PRICKLE2: variants seen among roughly 807,000 people sequenced by gnomAD.
The protein encoded by PRICKLE2 is prickle planar cell polarity protein 2, also known as prickle-like protein 2.
PRICKLE2 carries 21 observed loss-of-function variants against 81.4 expected under a neutral mutation model. That is an observed-to-expected ratio of 0.26 (90% CI 0.18 to 0.37). The LOEUF (loss-of-function observed/expected upper bound fraction) is 0.37, where lower values mean the gene tolerates loss of function less well. Among genes scored for constraint, PRICKLE2 ranks in the 10% least tolerant of loss-of-function variants. The pLI is 1.00. For missense variants in PRICKLE2, 940 were observed against 1,109.0 expected (o/e 0.85, Z 2.16); for synonymous variants, 456 against 421.5 (o/e 1.08, Z -1.00).
intron 4 of PRICKLE2, 131 bp from the exon 5 acceptor site, chr3:64,157,496 GC>G: frequency 5.4e-6 from 5 of 921,016 alleles, no homozygotes; most frequent in Non-Finnish European, 6.9e-6. Context: ...TATGCTTCCT[GC>G]TTTACACAGG....
intron 7 of PRICKLE2, among the ~76,000 whole-genome samples, chr3:64,136,749 G>A (rs942964349): frequency 1.3e-5 from 2 of 151,968 alleles, no homozygotes; most frequent in African/African-American, 4.8e-5. Context: ...CAAGTGGCCA[G>A]GTAGGAAGGT....
intron 2 of PRICKLE2, among the ~76,000 whole-genome samples, chr3:64,232,925 G>A (rs1245280779): frequency 6.6e-6 from 1 of 152,120 alleles, no homozygotes; most frequent in African/African-American, 2.4e-5. Context: ...TATCCCACAG[G>A]CCAAATCTGG....
chr3:64,155,468 A>G lies in PRICKLE2; in HGVS notation c.600+1694T>C, dbSNP rs139568986. On this transcript the variant is annotated intron_variant, in intron 5 of 7. Coordinates refer to ENST00000638394, the MANE Select transcript of PRICKLE2 (RefSeq NM_198859.4). ...TGTAAAATGTTATACTTGTTTTGGA[A>G]GACAATTTGGCATTCCCTCAAAAAG... is the stretch of plus-strand genomic sequence containing the variant. Among the ~76,000 whole-genome samples the G allele has an allele frequency of 3.1e-3, 469 of 152,320 alleles. 1 individual carries two copies. The highest frequency in any genetic ancestry group is 0.01 in the African/African-American group (419 of 41,570).
intron 1 of PRICKLE2, among the ~76,000 whole-genome samples, chr3:64,201,558 C>G (rs1482391505): frequency 6.6e-6 from 1 of 152,092 alleles, no homozygotes; most frequent in East Asian, 1.9e-4. Context: ...CATGTCTATA[C>G]AAATCCTTAG....
At chr3:64,239,380 T>C (rs2079228874) in intron 2 of PRICKLE2, among the ~76,000 whole-genome samples, 1 of 152,082 alleles carries the variant, frequency 6.6e-6, no homozygotes, top group Admixed American at 6.5e-5. Context: ...GGGAGACATA[T>C]TCTGCAATAA....
chr3:64,115,914 C>A (rs2076927264), intron 7 of PRICKLE2, among the ~76,000 whole-genome samples: 1 of 152,252 alleles, frequency 6.6e-6, no homozygotes, highest in African/African-American at 2.4e-5. Context: ...CACCACATGG[C>A]ATATATTCTA....
chr3:64,136,510 G>A (rs1031212360), intron 7 of PRICKLE2, among the ~76,000 whole-genome samples: 5 of 151,002 alleles, frequency 3.3e-5, no homozygotes, highest in African/African-American at 9.8e-5. Flanking sequence ...AATTGATGGA[G>A]TGGATAGTTT....
At chr3:64,257,032 G>A (rs916472214) in intron 2 of PRICKLE2, among the ~76,000 whole-genome samples, 4 of 152,106 alleles carry the variant, frequency 2.6e-5, no homozygotes, top group African/African-American at 9.7e-5. Context: ...TGCCAACCTG[G>A]TGCCAATTAA....
chr3:64,215,552 C>G (rs890410987), intron 1 of PRICKLE2, among the ~76,000 whole-genome samples: 1 of 152,142 alleles, frequency 6.6e-6, no homozygotes, highest in African/African-American at 2.4e-5. Flanking sequence ...TAACTGCAAC[C>G]AGTGAGCTAC....
intron 1 of PRICKLE2, among the ~76,000 whole-genome samples, chr3:64,211,524 A>G (rs1407100647): frequency 2.0e-5 from 3 of 152,238 alleles, no homozygotes; most frequent in African/African-American, 4.8e-5. Context: ...TGGTTCAACA[A>G]AAATGATATG....
At chr3:64,267,798 T>A (rs2079733287) in intron 2 of PRICKLE2, 1 of 152,222 alleles carries the variant, frequency 6.6e-6, no homozygotes, top group East Asian at 1.9e-4. Context: ...GAGCTTAGTT[T>A]CCAGCTGCAA....
chr3:64,205,508 G>T (rs1333934822), intron 1 of PRICKLE2, among the ~76,000 whole-genome samples: 1 of 152,284 alleles, frequency 6.6e-6, no homozygotes, highest in African/African-American at 2.4e-5. Flanking sequence ...GACAGGGTTG[G>T]TGGCAGGAAT....
At chr3:64,118,831 A>T (rs997737270) in intron 7 of PRICKLE2, among the ~76,000 whole-genome samples, 7 of 150,662 alleles carry the variant, frequency 4.6e-5, no homozygotes, top group Non-Finnish European at 7.4e-5. Context: ...TTCCTCAGAG[A>T]CCTAATAACA....
intron 3 of PRICKLE2, among the ~76,000 whole-genome samples, 200 bp downstream of exon 3, chr3:64,162,816 T>C (rs908410798): frequency 1.3e-5 from 2 of 152,342 alleles, no homozygotes; most frequent in Admixed American, 6.5e-5. Flanking sequence ...CAGTTTATAA[T>C]GAGATTCTGC....
intron 2 of PRICKLE2, among the ~76,000 whole-genome samples, chr3:64,246,024 C>A (rs1229948027): frequency 1.3e-5 from 2 of 152,164 alleles, no homozygotes; most frequent in African/African-American, 2.4e-5. Context: ...GCAGGTGGAT[C>A]ACTTGAGGCC....
intron 1 of PRICKLE2, chr3:64,199,302 A>AT: frequency 2.4e-6 from 1 of 425,216 alleles, no homozygotes; most frequent in Non-Finnish European, 4.2e-6. Flanking sequence ...GATATGGCCC[A>AT]TGACCACAAT....
intron 2 of PRICKLE2, among the ~76,000 whole-genome samples, chr3:64,236,821 T>C (rs567115556): frequency 3.3e-5 from 5 of 152,318 alleles, no homozygotes; most frequent in African/African-American, 1.2e-4. Context: ...CGGTGACAAT[T>C]GTATTATCTT....
chr3:64,190,497 C>T (rs567745217), intron 2 of PRICKLE2: 3 of 152,252 alleles, frequency 2.0e-5, no homozygotes, highest in Admixed American at 1.3e-4. Context: ...AACCTTAAGT[C>T]TCTTGTTTAC....
At chr3:64,223,706 C>T (rs768385023) in intron 1 of PRICKLE2, among the ~76,000 whole-genome samples, 6 of 152,148 alleles carry the variant, frequency 3.9e-5, no homozygotes, top group Non-Finnish European at 5.9e-5. Context: ...GCATTAAAAT[C>T]CAAATTTCCA....
Sources: allele counts gnomAD v4.1 joint callset (sites outside exome capture counted in the v4.1 genomes callset), GRCh38; gene constraint gnomAD v4.1.1; transcripts MANE v1.5; gene names NCBI Gene and HGNC (gene_info 2026-07-23, HGNC 2026-07-21).